The following HPSE2 variants were observed in gnomAD, a reference collection of about 807,000 sequenced individuals.
HPSE2 encodes the protein heparanase 2 (inactive), also known as inactive heparanase-2.
In HPSE2, 38 loss-of-function variants were observed where a neutral mutation model predicts 60.5. The ratio of observed to expected loss-of-function variants is 0.63; its 90% CI spans 0.48 to 0.82. The LOEUF (loss-of-function observed/expected upper bound fraction) is 0.82. HPSE2 is among the 40% of genes least tolerant of loss of function. The pLI, the probability that HPSE2 is intolerant of heterozygous loss-of-function variation, is 0.00. For synonymous variants in HPSE2, 295 were observed against 293.2 expected, an observed-to-expected ratio of 1.01 and a Z score of -0.06; for missense variants, 713 against 740.4, an observed-to-expected ratio of 0.96 and a Z score of 0.43.
chr10:99,305,970 C>T, the HPSE2 span, among the ~76,000 whole-genome samples: 226 of 120,802 alleles, frequency 1.9e-3, 3 homozygotes, highest in African/African-American at 6.9e-3. Context: ...CACGCGCGCG[C>T]GCGCGCGCGC....
intron 3 of HPSE2, among the ~76,000 whole-genome samples, chr10:98,958,504 A>G (rs1264038408): frequency 3.3e-5 from 5 of 152,172 alleles, no homozygotes; most frequent in African/African-American, 1.2e-4. Flanking sequence ...CATTTACTAC[A>G]TGCTAAACAA....
intron 5 of HPSE2, among the ~76,000 whole-genome samples, chr10:98,720,345 G>A (rs1463299547): frequency 6.6e-6 from 1 of 151,906 alleles, no homozygotes; most frequent in Admixed American, 6.6e-5. Context: ...AAATTTGGGG[G>A]ATAAGAGGAA....
Position 99,060,069 on chromosome 10 carries a change from C to A in HPSE2, c.610+84169G>T, listed in dbSNP as rs536604993. Among the ~76,000 whole-genome samples the A allele has an allele frequency of 2.4e-4, 37 of 151,216 alleles. No individual in the cohort carries two copies. In the East Asian group the frequency reaches 6.4e-3, roughly 26 times the overall value. On this transcript the variant is annotated intron_variant, in intron 3 of 11. Transcript: ENST00000370552. Reference sequence around the variant, plus strand: ...CCACACACACACACACACAAATAAACCTATGGATATAAAAGAATAATTATT... The same window carrying A: ...CCACACACACACACACACAAATAAAACTATGGATATAAAAGAATAATTATT...
chr10:98,614,786 T>C (rs187143557), intron 9 of HPSE2, 118 bp downstream of exon 9: 2 of 783,812 alleles, frequency 2.6e-6, no homozygotes, highest in East Asian at 5.1e-5. Flanking sequence ...TTCTGTTCAA[T>C]GAATGAAATT....
intron 3 of HPSE2, among the ~76,000 whole-genome samples, chr10:98,788,804 C>T (rs1000233621): frequency 1.1e-4 from 16 of 151,006 alleles, no homozygotes; most frequent in African/African-American, 3.4e-4. Flanking sequence ...TGCTTCGGCT[C>T]GAGCACGGTG....
intron 2 of HPSE2, among the ~76,000 whole-genome samples, chr10:99,149,673 G>T (rs1020201743): frequency 7.2e-5 from 11 of 152,102 alleles, no homozygotes; most frequent in African/African-American, 2.2e-4. Context: ...AGTTATTATT[G>T]GAGGATAGTA....
At chr10:99,111,549 C>T (rs1844463291) in intron 3 of HPSE2, among the ~76,000 whole-genome samples, 1 of 152,146 alleles carries the variant, frequency 6.6e-6, no homozygotes. Flanking sequence ...GACTGCGTTC[C>T]TTTCAAATTG....
rs981746611 is a variant in HPSE2, at chr10:98,582,716, A to G, written c.1320+32188T>C. The stretch of plus-strand genomic sequence containing the variant: ...TCTCTATGGAGTATTTACATTTTAC[A>G]GGAGCCTTTACTTTAAAGTAAATAC... On this transcript the variant is annotated intron_variant, in intron 9 of 11. Transcript: ENST00000370552. Among the ~76,000 whole-genome samples the G allele has an allele frequency of 2.4e-4, 36 of 152,340 alleles. 1 individual carries two copies. Among genetic ancestry groups the G allele is most frequent in the African/African-American group, 8.7e-4 (36 of 41,576 alleles).
intron 4 of HPSE2, among the ~76,000 whole-genome samples, chr10:98,742,574 T>G (rs910403448): frequency 1.3e-5 from 2 of 152,204 alleles, no homozygotes; most frequent in African/African-American, 4.8e-5. Flanking sequence ...GAGAATCACA[T>G]ATTTTCATAT....
Position 99,159,916 on chromosome 10 carries a change from G to A in HPSE2, c.449-15517C>T, listed in dbSNP as rs1159759786. Among the ~76,000 whole-genome samples, 6 of 152,126 alleles carry A rather than the reference G, an allele frequency of 3.9e-5. No individual in the cohort carries two copies. The East Asian group carries it at 9.7e-4, about 25-fold the overall frequency. Reference sequence around the variant, plus strand: ...AGCATTTTGTCAGGCTGAGGTGGGCGGATCACTTGAAGCCAGGGGCTCAAG... The same window carrying A: ...AGCATTTTGTCAGGCTGAGGTGGGCAGATCACTTGAAGCCAGGGGCTCAAG... On this transcript the variant is annotated intron_variant, in intron 2 of 11. Coordinates refer to ENST00000370552, the MANE Select transcript of HPSE2 (RefSeq NM_021828.5).
In HPSE2 at chr10:98,918,826, T is replaced by C. The variant is rs547307617; in HGVS notation, c.611-174770A>G. Among the ~76,000 whole-genome samples, 10 of 151,610 alleles carry C rather than the reference T, an allele frequency of 6.6e-5. No homozygotes were observed. In the South Asian group the frequency reaches 1.7e-3, roughly 25 times the overall value. On this transcript the variant is annotated intron_variant, in intron 3 of 11. Coordinates refer to ENST00000370552, the MANE Select transcript of HPSE2 (RefSeq NM_021828.5). The stretch of plus-strand genomic sequence containing the variant: ...CACATGTACCCTAAAACTTAAAGTA[T>C]AATAATAATAAAAATAAAAAACAAA...
At chr10:99,107,914 G>A (rs1844311160) in intron 3 of HPSE2, among the ~76,000 whole-genome samples, 1 of 152,118 alleles carries the variant, frequency 6.6e-6, no homozygotes, top group South Asian at 2.1e-4. Flanking sequence ...TTATCCTTCT[G>A]CAAATATTAA....
At chr10:98,764,426 G>A (rs1398062664) in intron 3 of HPSE2, among the ~76,000 whole-genome samples, 1 of 152,060 alleles carries the variant, frequency 6.6e-6, no homozygotes, top group Non-Finnish European at 1.5e-5. Flanking sequence ...GAAATCTATA[G>A]AACCATATCA....
At chr10:98,572,286 C>A (rs1201233612) in intron 9 of HPSE2, among the ~76,000 whole-genome samples, 1 of 152,084 alleles carries the variant, frequency 6.6e-6, no homozygotes, top group African/African-American at 2.4e-5. Context: ...AACAAAACTT[C>A]TTTCTAAATA....
chr10:98,891,655 T>A, intron 3 of HPSE2, among the ~76,000 whole-genome samples: 1 of 152,244 alleles, frequency 6.6e-6, no homozygotes, highest in East Asian at 1.9e-4. Context: ...AGGGTCTCAC[T>A]GTGTTGCCCA....
chr10:99,009,339 G>A (rs952360747), intron 3 of HPSE2, among the ~76,000 whole-genome samples: 1 of 150,658 alleles, frequency 6.6e-6, no homozygotes, highest in Non-Finnish European at 1.5e-5. Context: ...TGAATTGCAT[G>A]AGCCCAGGAG....
In HPSE2 at chr10:99,232,507, T is replaced by A; in HGVS notation, c.291-2A>T. On this transcript the variant is annotated splice_acceptor_variant, in intron 1 of 11. Coordinates refer to ENST00000370552, the MANE Select transcript of HPSE2 (RefSeq NM_021828.5). LOFTEE classifies it high-confidence loss of function. ...GCCAGGGTCACCAAGCGCTTGGAGCTGCAGAGGAAGAGAATAAGAGAGGAA... is the reference window on the plus strand; with the variant it reads ...GCCAGGGTCACCAAGCGCTTGGAGCAGCAGAGGAAGAGAATAAGAGAGGAA... The A allele has an allele frequency of 1.3e-6, 2 of 1,552,684 alleles. No homozygotes were observed. Among genetic ancestry groups the A allele is most frequent in the Non-Finnish European group, 1.7e-6 (2 of 1,148,432 alleles).
intron 3 of HPSE2, among the ~76,000 whole-genome samples, chr10:98,955,808 G>A (rs1267459114): frequency 6.6e-6 from 1 of 152,158 alleles, no homozygotes; most frequent in Non-Finnish European, 1.5e-5. Context: ...CCTTTGCAGG[G>A]ACATGGATGG....
chr10:99,094,384 A>T (rs1024411597), intron 3 of HPSE2, among the ~76,000 whole-genome samples: 1 of 150,884 alleles, frequency 6.6e-6, no homozygotes, highest in Non-Finnish European at 1.5e-5. Context: ...TCAAAGTAAA[A>T]GTATGTGTAT....
Sources: gnomAD v4.1 joint callset for allele counts (sites outside exome capture counted in the v4.1 genomes callset) on GRCh38, gnomAD v4.1.1 for gene constraint, MANE v1.5 for transcripts, NCBI Gene and HGNC (gene_info 2026-07-23, HGNC 2026-07-21) for gene names.